Variants in KCNJ6 observed in about 807,000 individuals in gnomAD.
KCNJ6 encodes the protein G protein-activated inward rectifier potassium channel 2.
A neutral mutation model predicts 34.2 loss-of-function variants in KCNJ6; 9 were observed. That is an observed-to-expected ratio of 0.26 (90% CI 0.16 to 0.46). The LOEUF is 0.46. Among genes scored for constraint, KCNJ6 ranks in the 20% least tolerant of loss-of-function variants. The pLI, the probability that KCNJ6 is intolerant of heterozygous loss-of-function variation, is 1.00. For synonymous variants in KCNJ6, 196 were observed against 207.1 expected (o/e 0.95, Z 0.46); for missense variants, 236 against 531.3 (o/e 0.44, Z 5.46).
chr21:37,913,742 C>T lies in KCNJ6; in HGVS notation c.-28+2142G>A, dbSNP rs947791131. On this transcript the variant is annotated intron_variant, in intron 1 of 3. Coordinates refer to ENST00000609713, the MANE Select transcript of KCNJ6 (RefSeq NM_002240.5). ...CTGAGGTAGGAGAATCGCTTGAAAC[C>T]GGGACGCAGAGGTTGCAGTGAGCCG... is the stretch of plus-strand genomic sequence containing the variant. Among the ~76,000 whole-genome samples, 4 of 152,118 alleles carry T rather than the reference C, an allele frequency of 2.6e-5. No individual in the cohort carries two copies. In the East Asian group the frequency reaches 7.7e-4, roughly 29 times the overall value.
At chr21:37,638,224 G>C (rs1241204846) in intron 3 of KCNJ6, among the ~76,000 whole-genome samples, 1 of 152,178 alleles carries the variant, frequency 6.6e-6, no homozygotes, top group African/African-American at 2.4e-5. Context: ...TCAGCTCACT[G>C]TAGCCTCTGC....
chr21:37,914,392 T>G (rs2836051), intron 1 of KCNJ6, among the ~76,000 whole-genome samples: 4 of 151,850 alleles, frequency 2.6e-5, no homozygotes, highest in Non-Finnish European at 4.4e-5. Flanking sequence ...CGGAACCCGC[T>G]GAGGAACCAC....
intron 3 of KCNJ6, among the ~76,000 whole-genome samples, chr21:37,637,090 T>C (rs1438174102): frequency 6.6e-6 from 1 of 152,252 alleles, no homozygotes. Context: ...CTGTGCTGAA[T>C]CAGTGCAGTA....
At chr21:37,709,347 A>C (rs987796775) in intron 3 of KCNJ6, among the ~76,000 whole-genome samples, 3 of 152,096 alleles carry the variant, frequency 2.0e-5, no homozygotes, top group Admixed American at 1.3e-4. Context: ...CCCCATCTCT[A>C]CTAAAATTAC....
chr21:37,654,386 G>A (rs3787808), intron 3 of KCNJ6, among the ~76,000 whole-genome samples: 23,537 of 150,236 alleles, frequency 0.16, 2,972 homozygotes, highest in African/African-American at 0.35. Context: ...TTCTTGATTC[G>A]ACATCTCTCT....
intron 1 of KCNJ6, among the ~76,000 whole-genome samples, chr21:37,909,870 T>C (rs1379629412): frequency 1.3e-5 from 2 of 152,240 alleles, no homozygotes; most frequent in Non-Finnish European, 2.9e-5. Context: ...TAGATGTCTC[T>C]ACCTGTTGCT....
intron 1 of KCNJ6, among the ~76,000 whole-genome samples, chr21:37,887,294 C>G (rs2123630544): frequency 6.6e-6 from 1 of 152,280 alleles, no homozygotes; most frequent in East Asian, 1.9e-4. Context: ...TTGACTAACC[C>G]TCCCCCAGCC....
At chr21:37,807,072 C>T (rs1051258407) in intron 2 of KCNJ6, among the ~76,000 whole-genome samples, 5 of 152,090 alleles carry the variant, frequency 3.3e-5, no homozygotes, top group African/African-American at 9.7e-5. Context: ...ATTTCTTTCT[C>T]CATTTTCTCA....
intron 1 of KCNJ6, among the ~76,000 whole-genome samples, chr21:37,890,204 C>A (rs1236794965): frequency 6.6e-6 from 1 of 152,180 alleles, no homozygotes; most frequent in Non-Finnish European, 1.5e-5. Context: ...CAAGCACATC[C>A]TTCTTCACAC....
At position 37,853,846 on chromosome 21, in the gene KCNJ6, G is replaced by GTGTATATATATATATATATATATATACA. The variant is rs71198897; in HGVS notation, c.-27-13138_-27-13137insTGTATATATATATATATATATATATACA. Among the ~76,000 whole-genome samples, 6 of 115,956 alleles carry GTGTATATATATATATATATATATATACA rather than the reference G, an allele frequency of 5.2e-5. No homozygotes were observed. In the East Asian group the frequency reaches 9.0e-4, roughly 17 times the overall value. The allele number at this position is 115,956 out of a possible 152,430, so 76.1% of individuals were successfully genotyped here. ...GTAGTTAAGAGATACATATATATAT[G>GTGTATATATATATATATATATATATACA]TATATATATATATATAAATTACATT... is the stretch of plus-strand genomic sequence containing the variant. On this transcript the variant is annotated intron_variant, in intron 1 of 3. Coordinates refer to ENST00000609713, the MANE Select transcript of KCNJ6 (RefSeq NM_002240.5).
chr21:37,714,798 T>C lies in KCNJ6; in HGVS notation c.359A>G (p.Asp120Gly). Residue 120 changes from aspartate to glycine, a missense_variant, in exon 3 of 4, where the codon GAC (aspartate) becomes GGC (glycine). Asp to Gly is a moderately conservative substitution (Grantham distance 94). This residue lies in a region of KCNJ6 where 68 missense variants were observed against 165.7 expected (regional missense o/e 0.41). Coordinates refer to ENST00000609713, the MANE Select transcript of KCNJ6 (RefSeq NM_002240.5). The surrounding 1 kb of genome is among the most constrained non-coding windows in gnomAD (Gnocchi z 5.9). ...IWWLIAYIRG[D>G]MDHIEDPSWT... ...GGAGGGGTCCTCTATGTGGTCCATGTCTCCCCGTATGTATGCGATCAACCA... is the reference window on the plus strand; with the variant it reads ...GGAGGGGTCCTCTATGTGGTCCATGCCTCCCCGTATGTATGCGATCAACCA... 1 of 1,614,164 alleles carries C rather than the reference T, an allele frequency of 6.2e-7. No homozygotes were observed. Among genetic ancestry groups the C allele is most frequent in the Non-Finnish European group, 8.5e-7 (1 of 1,180,040 alleles).
At position 37,620,195 on chromosome 21, in the gene KCNJ6, A is replaced by G. The variant is rs1385721095; in HGVS notation, c.*4964T>C. Reference sequence around the variant, plus strand: ...ACATACTATTATTAATAGTACTATTACTAGTACTTAATAGTACCAATAGTA... The same window carrying G: ...ACATACTATTATTAATAGTACTATTGCTAGTACTTAATAGTACCAATAGTA... On this transcript the variant is annotated 3_prime_UTR_variant, in exon 4 of 4. Coordinates refer to ENST00000609713, the MANE Select transcript of KCNJ6 (RefSeq NM_002240.5). 1 of 152,210 alleles carries G rather than the reference A, an allele frequency of 6.6e-6. No individual in the cohort carries two copies. The highest frequency in any genetic ancestry group is 1.5e-5 in the Non-Finnish European group (1 of 68,044). 9.4% of individuals were successfully genotyped at this position (152,210 alleles called of 1,614,324 possible).
rs1430601198 is a variant in KCNJ6 at position 37,611,817 on chromosome 21, A to C, written c.*13342T>G. 1 of 152,108 alleles carries C rather than the reference A, an allele frequency of 6.6e-6. No individual in the cohort carries two copies. The highest frequency in any genetic ancestry group is 6.6e-5 in the Admixed American group (1 of 15,254). The allele number at this position is 152,108 out of a possible 1,614,324, so 9.4% of individuals were successfully genotyped here. A position where few individuals can be genotyped will look rare whatever the true frequency, so the allele number is the denominator to read the frequency against. The stretch of plus-strand genomic sequence containing the variant: ...ACTCAGTAAAGCAGGAATAGAGGAG[A>C]AGCCCCTCAACCTGATAAACAATAT... On this transcript the variant is annotated 3_prime_UTR_variant, in exon 4 of 4. Transcript: ENST00000609713.
intron 2 of KCNJ6, among the ~76,000 whole-genome samples, chr21:37,782,229 G>A (rs1051434455): frequency 6.6e-6 from 1 of 152,020 alleles, no homozygotes; most frequent in Non-Finnish European, 1.5e-5. Flanking sequence ...CAAGGGAAAG[G>A]GTCCTCCCTG....
intron 2 of KCNJ6, among the ~76,000 whole-genome samples, chr21:37,723,824 T>C (rs1180956948): frequency 6.6e-6 from 1 of 152,110 alleles, no homozygotes; most frequent in Non-Finnish European, 1.5e-5. Context: ...TCACTAAATG[T>C]GTGACAGAAT....
At chr21:37,816,808 C>A (rs2055349182) in intron 2 of KCNJ6, among the ~76,000 whole-genome samples, 1 of 152,118 alleles carries the variant, frequency 6.6e-6, no homozygotes. Flanking sequence ...AGCTGGTGGG[C>A]CTTCCCATCC....
At chr21:37,796,170 A>G (rs2055240785) in intron 2 of KCNJ6, among the ~76,000 whole-genome samples, 1 of 152,102 alleles carries the variant, frequency 6.6e-6, no homozygotes. Flanking sequence ...GCCATTTTTT[A>G]TGGCCCTGCG....
intron 1 of KCNJ6, among the ~76,000 whole-genome samples, chr21:37,844,425 C>T (rs1376720588): frequency 6.6e-6 from 1 of 152,090 alleles, no homozygotes; most frequent in Non-Finnish European, 1.5e-5. Context: ...ACATTGCCTC[C>T]ACCTGCTTGG....
intron 2 of KCNJ6, among the ~76,000 whole-genome samples, chr21:37,731,974 G>A (rs934115634): frequency 4.6e-5 from 7 of 152,184 alleles, no homozygotes; most frequent in Non-Finnish European, 8.8e-5. Context: ...ATGGAAGTTC[G>A]ACTGCAGGGA....
Sources: allele counts gnomAD v4.1 joint callset (sites outside exome capture counted in the v4.1 genomes callset), GRCh38; gene constraint gnomAD v4.1.1; regional missense constraint gnomAD v4.1.1; non-coding constraint Gnocchi (gnomAD v3.1); transcripts MANE v1.5; gene names NCBI Gene and HGNC (gene_info 2026-07-23, HGNC 2026-07-21).